DUSP14: variants seen among roughly 807,000 people sequenced by gnomAD.
The protein encoded by DUSP14 is dual specificity protein phosphatase 14.
DUSP14 carries 5 observed loss-of-function variants against 13.2 expected under a neutral mutation model. That is an observed-to-expected ratio of 0.38 (90% CI 0.20 to 0.80). The LOEUF (loss-of-function observed/expected upper bound fraction) is 0.80. Among genes scored for constraint, DUSP14 ranks in the 30% least tolerant of loss-of-function variants. DUSP14 has a pLI of 0.44. For synonymous variants in DUSP14, 91 were observed against 103.4 expected (o/e 0.88, Z 0.73); for missense variants, 185 against 264.0 (o/e 0.70, Z 2.07).
At chr17:37,489,996 G>A (rs1444949869) in intron 1 of DUSP14, 38 bp downstream of exon 1, 1 of 124,874 alleles carries the variant, frequency 8.0e-6, no homozygotes, top group Non-Finnish European at 1.7e-5. Flanking sequence ...GGGTTGTGGG[G>A]AAGGTGTTGG....
rs1427083952 is a variant in DUSP14 at position 37,512,172 on chromosome 17, A to ATT, written c.-92-6_-92-5dup. ...ATTTAAAGTACTGACACATACCTGT[A>ATT]TTTTGCAGGAAGGAGACTCTAATTT... is the stretch of plus-strand genomic sequence containing the variant. On this transcript the variant is annotated splice_polypyrimidine_tract_variant and intron_variant, in intron 2 of 2. Coordinates refer to ENST00000617516, the MANE Select transcript of DUSP14 (RefSeq NM_007026.4). This position sits in a 1 kb window ranked among gnomAD's most constrained non-coding sequence, Gnocchi z 4.8. 9.7e-6 allele frequency: 9 copies of ATT among 925,320 alleles called. No homozygotes were observed. The highest frequency in any genetic ancestry group is 1.5e-5 in the Non-Finnish European group (9 of 608,046). The allele number at this position is 925,320 out of a possible 1,614,324, so 57.3% of individuals were successfully genotyped here.
chr17:37,511,938 C>CGTTTTTTTTTT (rs1568206074), intron 2 of DUSP14, among the ~76,000 whole-genome samples: 1 of 38,248 alleles, frequency 2.6e-5, no homozygotes, highest in Non-Finnish European at 4.6e-5. Flanking sequence ...CCCCACCCCA[C>CGTTTTTTTTTT]TTTTTTTTTT....
chr17:37,501,608 T>C lies in DUSP14; in HGVS notation c.-180-9069T>C, dbSNP rs888684209. Among the ~76,000 whole-genome samples the C allele has an allele frequency of 9.2e-5, 14 of 152,040 alleles. 1 individual carries two copies. Among genetic ancestry groups the C allele is most frequent in the Non-Finnish European group, 2.1e-4 (14 of 67,990 alleles). Reference sequence around the variant, plus strand: ...TCGGCTCACTGCAACCTCCACCTCCTGGGTTCAAGTGATTCTCCTGCCTCA... The same window carrying C: ...TCGGCTCACTGCAACCTCCACCTCCCGGGTTCAAGTGATTCTCCTGCCTCA... On this transcript the variant is annotated intron_variant, in intron 1 of 2. Transcript: ENST00000617516.
rs188604112 is a variant in DUSP14 at position 37,511,429 on chromosome 17, C to T, written c.-93+665C>T. On this transcript the variant is annotated intron_variant, in intron 2 of 2. Coordinates refer to ENST00000617516, the MANE Select transcript of DUSP14 (RefSeq NM_007026.4). ...CCGAGTAGCTGGGATTACAGGTGCT[C>T]GCCACCATGCTCAGCTAATTTTTGT... is the stretch of plus-strand genomic sequence containing the variant. Among the ~76,000 whole-genome samples, 252 of 151,790 alleles carry T rather than the reference C, an allele frequency of 1.7e-3. 1 individual carries two copies. Among genetic ancestry groups the T allele is most frequent in the African/African-American group, 5.9e-3 (244 of 41,400 alleles).
intron 2 of DUSP14, among the ~76,000 whole-genome samples, chr17:37,511,072 C>T (rs769558644): frequency 1.3e-5 from 2 of 151,890 alleles, no homozygotes; most frequent in African/African-American, 2.4e-5. Flanking sequence ...AGGATAGTGA[C>T]GTTCAGACGT....
intron 1 of DUSP14, among the ~76,000 whole-genome samples, chr17:37,490,481 T>G (rs2054020203): frequency 6.6e-6 from 1 of 152,194 alleles, no homozygotes; most frequent in African/African-American, 2.4e-5. Flanking sequence ...GGTGCTAACA[T>G]CTGTCTTTTT....
At chr17:37,494,759 G>A (rs368416411) in intron 1 of DUSP14, among the ~76,000 whole-genome samples, 19 of 152,158 alleles carry the variant, frequency 1.2e-4, no homozygotes, top group African/African-American at 4.3e-4. Flanking sequence ...AGAATGTTAC[G>A]CAATTCTGTA....
At chr17:37,496,246 C>T (rs751514278) in intron 1 of DUSP14, among the ~76,000 whole-genome samples, 9 of 152,104 alleles carry the variant, frequency 5.9e-5, no homozygotes, top group Non-Finnish European at 8.8e-5. Flanking sequence ...GGGCTTGGAC[C>T]GACAACTATG....
At chr17:37,509,123 A>ATATATATATATATGTG in intron 1 of DUSP14, among the ~76,000 whole-genome samples, 1 of 28,638 alleles carries the variant, frequency 3.5e-5, no homozygotes, top group African/African-American at 2.0e-4. Flanking sequence ...ATATATATAT[A>ATATATATATATATGTG]TATATACACA....
intron 1 of DUSP14, 146 bp downstream of exon 1, chr17:37,490,104 C>G (rs1226082096): frequency 6.6e-6 from 1 of 151,770 alleles, no homozygotes; most frequent in Admixed American, 6.6e-5. Flanking sequence ...TGTGCCGGCG[C>G]CCCCACCTGC....
chr17:37,498,308 T>G (rs996546805), intron 1 of DUSP14, among the ~76,000 whole-genome samples: 2 of 143,164 alleles, frequency 1.4e-5, no homozygotes, highest in Non-Finnish European at 3.0e-5. Context: ...GTGTACTAGA[T>G]TGTATCTTTT....
chr17:37,502,938 G>A (rs977800411), intron 1 of DUSP14, among the ~76,000 whole-genome samples: 4 of 152,132 alleles, frequency 2.6e-5, no homozygotes, highest in Admixed American at 6.6e-5. Flanking sequence ...TGGCGCCATC[G>A]TAGCCCCCTA....
At chr17:37,504,119 G>A (rs933325082) in intron 1 of DUSP14, among the ~76,000 whole-genome samples, 7 of 152,090 alleles carry the variant, frequency 4.6e-5, no homozygotes, top group African/African-American at 1.2e-4. Flanking sequence ...ACTTGAACCC[G>A]GGAGGTGGAG....
At chr17:37,490,278 G>A (rs1350836195) in intron 1 of DUSP14, among the ~76,000 whole-genome samples, 1 of 151,854 alleles carries the variant, frequency 6.6e-6, no homozygotes, top group South Asian at 2.1e-4. Context: ...CAGCAGCCTC[G>A]GCCGCGCCTC....
intron 1 of DUSP14, among the ~76,000 whole-genome samples, chr17:37,490,564 C>G (rs1372191023): frequency 6.6e-6 from 1 of 152,054 alleles, no homozygotes; most frequent in East Asian, 1.9e-4. Flanking sequence ...GTGCTGTGGC[C>G]GCCTTAAGTG....
chr17:37,489,108 C>A (rs931780031), upstream of DUSP14, among the ~76,000 whole-genome samples: 2 of 152,116 alleles, frequency 1.3e-5, no homozygotes, highest in African/African-American at 4.8e-5. Flanking sequence ...CGTTTCGCAC[C>A]GACTTATGTT....
intron 1 of DUSP14, among the ~76,000 whole-genome samples, chr17:37,501,069 T>G (rs2054102028): frequency 6.6e-6 from 1 of 152,326 alleles, no homozygotes; most frequent in East Asian, 1.9e-4. Context: ...GTGGGGCTAC[T>G]AATTTTCAAT....
At chr17:37,508,063 TGCTCTGTGTAC>T (rs2054149452) in intron 1 of DUSP14, among the ~76,000 whole-genome samples, 1 of 152,260 alleles carries the variant, frequency 6.6e-6, no homozygotes, top group African/African-American at 2.4e-5. Context: ...ACCTGTGGAC[TGCTCTGTGTAC>T]TCCCATAGCA....
At position 37,512,947 on chromosome 17, in the gene DUSP14, C is replaced by T. The variant is rs554682371; in HGVS notation, c.*78C>T. On this transcript the variant is annotated 3_prime_UTR_variant, in exon 3 of 3. Transcript: ENST00000617516. The surrounding 1 kb of genome is among the most constrained non-coding windows in gnomAD (Gnocchi z 4.8). ...CCGTCTGCTCCCTCTCCACTCTCTT[C>T]TCAAATGGCTGACTTCTGGTTCTCC... 4.6e-5 allele frequency: 56 copies of T among 1,211,298 alleles called. 1 individual carries two copies. In the South Asian group the frequency reaches 8.1e-4, roughly 18 times the overall value. 75.0% of individuals were successfully genotyped at this position (1,211,298 alleles called of 1,614,324 possible).
Sources: gnomAD v4.1 joint callset for allele counts (sites outside exome capture counted in the v4.1 genomes callset) on GRCh38, gnomAD v4.1.1 for gene constraint, Gnocchi (gnomAD v3.1) non-coding constraint, MANE v1.5 for transcripts, NCBI Gene and HGNC (gene_info 2026-07-23, HGNC 2026-07-21) for gene names.